The following GBP3 variants were observed in gnomAD, a reference collection of about 807,000 sequenced individuals.
GBP3 encodes the protein guanylate binding protein 3.
A neutral mutation model predicts 62.4 loss-of-function variants in GBP3; 55 were observed. The observed-to-expected ratio is 0.88, with a 90% CI of 0.71 to 1.10. The LOEUF (loss-of-function observed/expected upper bound fraction) is 1.10, where lower values mean the gene tolerates loss of function less well. Among genes scored for constraint, GBP3 ranks in the 50% least tolerant of loss-of-function variants. The pLI, the probability that GBP3 is intolerant of heterozygous loss-of-function variation, is 0.00. For missense variants in GBP3, 605 were observed against 690.6 expected, an observed-to-expected ratio of 0.88 and a Z score of 1.39; for synonymous variants, 208 against 259.2, an observed-to-expected ratio of 0.80 and a Z score of 1.90.
Position 89,009,483 on chromosome 1 carries a change from A to G in GBP3, c.1374T>C (p.Ile458=). 1.2e-6 allele frequency: 2 copies of G among 1,614,114 alleles called. No individual in the cohort carries two copies. The highest frequency in any genetic ancestry group is 1.7e-6 in the Non-Finnish European group (2 of 1,179,994). The change falls in exon 9 of 11, where the codon ATT becomes ATC. Residue 458 remains isoleucine, a synonymous_variant. Coordinates refer to ENST00000370481, the MANE Select transcript of GBP3 (RefSeq NM_018284.3). ...CCTTGGATTTCAAGTATGTCTGCAGAATCTCTTCAGCCTTAGGACCCAGAG... is the reference window on the plus strand; with the variant it reads ...CCTTGGATTTCAAGTATGTCTGCAGGATCTCTTCAGCCTTAGGACCCAGAG... ...EPRKGIQAEE[I]LQTYLKSKES... is the part of the protein sequence containing the mutation.
chr1:89,011,217 G>A (rs927844825), intron 7 of GBP3, 101 bp from the exon 8 acceptor site: 1 of 1,363,502 alleles, frequency 7.3e-7, no homozygotes, highest in Non-Finnish European at 1.0e-6. Flanking sequence ...AGTCAATGAT[G>A]CCGGAGAAAC....
At position 89,013,396 on chromosome 1, in the gene GBP3, C is replaced by A. The variant is rs969548588; in HGVS notation, c.657G>T (p.Leu219=). Residue 219 remains leucine (L), a synonymous_variant, in exon 6 of 11, where the codon CTG becomes CTT. Transcript: ENST00000370481. The part of the protein sequence containing the change: ...GTSQKDKNFN[L]PRLCIRKFFP... ...AGAACTTCCGGATACAGAGTCGGGG[C>A]AGATTAAAATTTTTATCTTTTTGAC... The A allele has an allele frequency of 2.5e-6, 4 of 1,612,120 alleles. No homozygotes were observed. Among genetic ancestry groups the A allele is most frequent in the Non-Finnish European group, 3.4e-6 (4 of 1,179,400 alleles).
rs185883996 is a variant in GBP3 at position 89,016,148 on chromosome 1, A to G, written c.191-734T>C. 5.3e-5 allele frequency among the ~76,000 whole-genome samples: 8 copies of G among 152,344 alleles called. No homozygotes were observed. In the East Asian group the frequency reaches 1.5e-3, roughly 29 times the overall value. ...GTTGCATTTGTATACAGTAGCAAAG[A>G]ACAATCCACAAAGGAAATTTTGAAA... On this transcript the variant is annotated intron_variant, in intron 2 of 10. Coordinates refer to ENST00000370481, the MANE Select transcript of GBP3 (RefSeq NM_018284.3).
At chr1:89,009,331 G>A in intron 9 of GBP3, 61 bp downstream of exon 9, 1 of 1,546,154 alleles carries the variant, frequency 6.5e-7, no homozygotes, top group South Asian at 1.2e-5. Flanking sequence ...TTTAAAATTT[G>A]AAAAATTATT....
Position 89,011,210 on chromosome 1 carries a change from C to T in GBP3, c.1150-94G>A. 2 of 1,384,512 alleles carry T rather than the reference C, an allele frequency of 1.4e-6. 1 individual carries two copies. Among genetic ancestry groups the T allele is most frequent in the Non-Finnish European group, 2.0e-6 (2 of 996,010 alleles). The allele number at this position is 1,384,512 out of a possible 1,614,324, so 85.8% of individuals were successfully genotyped here. A position where few individuals can be genotyped will look rare whatever the true frequency, so the allele number is the denominator to read the frequency against. On this transcript the variant is annotated intron_variant, in intron 7 of 10. Coordinates refer to ENST00000370481, the MANE Select transcript of GBP3 (RefSeq NM_018284.3). The stretch of plus-strand genomic sequence containing the variant: ...GGAAAGACTTCCGAAAATAAACAGT[C>T]AATGATGCCGGAGAAACTGACAGAC...
Position 89,007,567 on chromosome 1 carries a change from G to GA in GBP3, c.*156dup, listed in dbSNP as rs1678286930. 8 of 722,580 alleles carry GA rather than the reference G, an allele frequency of 1.1e-5. No homozygotes were observed. Among genetic ancestry groups the GA allele is most frequent in the Non-Finnish European group, 1.8e-5 (8 of 439,060 alleles). 44.8% of individuals were successfully genotyped at this position (722,580 alleles called of 1,614,324 possible). On this transcript the variant is annotated 3_prime_UTR_variant, in exon 11 of 11. Transcript: ENST00000370481. Reference sequence around the variant, plus strand: ...TTGCACAATTTACAATCTTTTTAAGGAAAAAACATGATTTTGATCATTGAA... The same window carrying GA: ...TTGCACAATTTACAATCTTTTTAAGGAAAAAAACATGATTTTGATCATTGAA...
In GBP3 at chr1:89,014,207, A is replaced by C; in HGVS notation, c.501T>G (p.Ala167=). The C allele has an allele frequency of 6.2e-7, 1 of 1,614,238 alleles. No individual in the cohort carries two copies. The highest frequency in any genetic ancestry group is 8.5e-7 in the Non-Finnish European group (1 of 1,180,036). ...AATCTGGGAAGAAGCTCACAAAGTC[A>C]GCTGAATCCTCATTCTCATTCTCAT... ...SPDENENEDS[A]DFVSFFPDFV... is the part of the protein sequence containing the mutation. Residue 167 remains alanine (A), a synonymous_variant, in exon 5 of 11, where the codon GCT becomes GCG. Coordinates refer to ENST00000370481, the MANE Select transcript of GBP3 (RefSeq NM_018284.3).
intron 1 of GBP3, among the ~76,000 whole-genome samples, chr1:89,022,052 C>CT (rs796307475): frequency 0.011 from 1,564 of 140,692 alleles, 20 homozygotes; most frequent in African/African-American, 0.04. Context: ...CTCTCTCTCT[C>CT]AAAAAAAAAA....
chr1:89,020,820 G>T, intron 1 of GBP3, 77 bp from the exon 2 acceptor site: 3 of 1,353,434 alleles, frequency 2.2e-6, no homozygotes, highest in Non-Finnish European at 3.1e-6. Flanking sequence ...AATTCCCCAG[G>T]ATGGCCAAAA....
intron 1 of GBP3, among the ~76,000 whole-genome samples, chr1:89,021,510 G>GCGCGCGCGCGCGCGCGCA (rs751639388): frequency 1.2e-4 from 16 of 131,666 alleles, no homozygotes; most frequent in African/African-American, 4.8e-4. Context: ...GCGCGCGCGC[G>GCGCGCGCGCGCGCGCGCA]CACACACACA....
Position 89,013,250 on chromosome 1 carries a change from C to A in GBP3, c.803G>T (p.Cys268Phe). The part of the protein sequence containing the change: ...PEFVQQVADF[C>F]SYIFSNSKTK... ...TTTGGAATTGCTAAAGATGTAGGAA[C>A]AGAAGTCTGCTACTTGTTGCACAAA... Residue 268 changes from cysteine to phenylalanine, a missense_variant, in exon 6 of 11, where the codon TGT becomes TTT. Around this residue, in one of 3 missense-constraint regions of GBP3, gnomAD observed 308 missense variants for 318.0 expected, o/e 0.97. Coordinates refer to ENST00000370481, the MANE Select transcript of GBP3 (RefSeq NM_018284.3). The A allele has an allele frequency of 6.2e-7, 1 of 1,614,192 alleles. No individual in the cohort carries two copies. The highest frequency in any genetic ancestry group is 8.5e-7 in the Non-Finnish European group (1 of 1,180,032).
At position 89,014,637 on chromosome 1, in the gene GBP3, G is replaced by C; in HGVS notation, c.338C>G (p.Ser113Cys). 6.2e-7 allele frequency: 1 copy of C among 1,614,076 alleles called. No homozygotes were observed. The highest frequency in any genetic ancestry group is 1.7e-4 in the Middle Eastern group (1 of 6,058). ...GAGGACGGCCAGGGTGAAGATCCAG[G>C]AGTCATTCTGGTTGTCACCCTGGAA... ...DVKKGDNQNDSWIFTLAVLLS... is the reference protein window; with the variant it reads ...DVKKGDNQNDCWIFTLAVLLS... The change falls in exon 4 of 11, where the codon TCC becomes TGC. Residue 113 changes from serine (S) to cysteine (C), a missense_variant. Ser to Cys is a moderately radical substitution (Grantham distance 112). Transcript: ENST00000370481.
intron 2 of GBP3, among the ~76,000 whole-genome samples, chr1:89,015,675 C>T (rs747249662): frequency 1.1e-4 from 15 of 138,850 alleles, no homozygotes; most frequent in Non-Finnish European, 1.5e-4. Context: ...ACCCAGGAGG[C>T]GGAGGTTGCA....
chr1:89,007,967 CTCTACCCTTGATTTTAATTATAG>C, intron 10 of GBP3, 115 bp from the exon 11 acceptor site: 1 of 922,730 alleles, frequency 1.1e-6, no homozygotes, highest in African/African-American at 1.7e-5. Flanking sequence ...TTGAAATTTT[CTCTACCCTTGATTTTAATTATAG>C]TTTTTCTGGG....
chr1:89,021,510 G>GCGCGCGCGCGCGCGCACACACA (rs751639388), intron 1 of GBP3, among the ~76,000 whole-genome samples: 17 of 131,666 alleles, frequency 1.3e-4, no homozygotes, highest in African/African-American at 4.2e-4. Flanking sequence ...GCGCGCGCGC[G>GCGCGCGCGCGCGCGCACACACA]CACACACACA....
chr1:89,013,968 A>G (rs1275478877), intron 5 of GBP3, 115 bp downstream of exon 5: 47 of 1,143,084 alleles, frequency 4.1e-5, no homozygotes, highest in Non-Finnish European at 5.8e-5. Flanking sequence ...TCTTAAGAAT[A>G]GCAAGCTAGA....
rs1182655647 is a variant in GBP3 at position 89,010,658 on chromosome 1, T to C, written c.1362+246A>G. Among the ~76,000 whole-genome samples the C allele has an allele frequency of 1.4e-5, 2 of 138,854 alleles. 1 individual carries two copies. 91.1% of individuals were successfully genotyped at this position (138,854 alleles called of 152,430 possible). ...AACTCCTGAGCTCAAGCAATCTGCC[T>C]GCCTCTGCCCTCAAAGTGTTAGGAT... On this transcript the variant is annotated intron_variant, in intron 8 of 10. Transcript: ENST00000370481.
chr1:89,019,803 A>G (rs1261565884), intron 2 of GBP3, among the ~76,000 whole-genome samples: 1 of 152,238 alleles, frequency 6.6e-6, no homozygotes, highest in Non-Finnish European at 1.5e-5. Context: ...GGAAGATTAA[A>G]AAGTTCTGGA....
At chr1:89,013,664 G>A in intron 5 of GBP3, 1 of 515,270 alleles carries the variant, frequency 1.9e-6, no homozygotes, top group South Asian at 2.5e-5. Flanking sequence ...GTCTTAGGCT[G>A]CAGTTCGCCA....
Sources: gnomAD v4.1 joint callset for allele counts (sites outside exome capture counted in the v4.1 genomes callset) on GRCh38, gnomAD v4.1.1 for gene constraint, gnomAD v4.1.1 regional missense constraint, MANE v1.5 for transcripts, NCBI Gene and HGNC (gene_info 2026-07-23, HGNC 2026-07-21) for gene names.